The following ARF3 variants were observed in gnomAD, a reference collection of about 807,000 sequenced individuals.
The protein encoded by ARF3 is ARF GTPase 3.
In ARF3, 5 loss-of-function variants were observed where a neutral mutation model predicts 19.3. That is an observed-to-expected ratio of 0.26 (90% CI 0.14 to 0.54). ARF3 has a LOEUF of 0.54. Among genes scored for constraint, ARF3 ranks in the 20% least tolerant of loss-of-function variants. The probability of loss-of-function intolerance (pLI) is 0.95; values close to 1 mark genes in which losing one functional copy is unlikely to be tolerated. For missense variants in ARF3, 77 were observed against 234.2 expected (o/e 0.33, Z 4.38); for synonymous variants, 71 against 89.2 (o/e 0.80, Z 1.15).
At chr12:48,944,297 T>C (rs1159347185) in intron 1 of ARF3, among the ~76,000 whole-genome samples, 1 of 152,240 alleles carries the variant, frequency 6.6e-6, no homozygotes, top group East Asian at 1.9e-4. Flanking sequence ...CAATATGCCT[T>C]GCCCCAGAAC....
At chr12:48,946,893 C>T (rs1302447544) in intron 1 of ARF3, among the ~76,000 whole-genome samples, 4 of 152,198 alleles carry the variant, frequency 2.6e-5, no homozygotes, top group Non-Finnish European at 2.9e-5. Context: ...CAAGAATGTG[C>T]TATGAGACAC....
intron 1 of ARF3, among the ~76,000 whole-genome samples, chr12:48,947,119 C>T (rs953841400): frequency 2.0e-5 from 3 of 152,134 alleles, no homozygotes; most frequent in Admixed American, 6.6e-5. Context: ...AAGCAGAGTA[C>T]GCCCGTACTG....
At chr12:48,943,898 A>C (rs918504124) in intron 1 of ARF3, among the ~76,000 whole-genome samples, 5 of 152,182 alleles carry the variant, frequency 3.3e-5, no homozygotes, top group Non-Finnish European at 7.3e-5. Flanking sequence ...GCCACCCGCT[A>C]GCCTTCCTCC....
At chr12:48,952,283 G>A (rs1479004914) in intron 1 of ARF3, among the ~76,000 whole-genome samples, 1 of 152,202 alleles carries the variant, frequency 6.6e-6, no homozygotes, top group Admixed American at 6.5e-5. Context: ...GGAAGGGTCT[G>A]GCTTTTACCA....
chr12:48,945,308 G>A lies in ARF3; in HGVS notation c.-93-4120C>T, dbSNP rs543696654. Among the ~76,000 whole-genome samples the A allele has an allele frequency of 6.6e-5, 10 of 152,064 alleles. No homozygotes were observed. The South Asian group carries it at 1.2e-3, about 19-fold the overall frequency. ...AAAAACCCAAAAATTGGCCGGGTGC[G>A]GTGGCTCACACCTGTAATCCCAGCA... On this transcript the variant is annotated intron_variant, in intron 1 of 4. Transcript: ENST00000256682.
chr12:48,951,241 A>AG (rs1466659814), intron 1 of ARF3, among the ~76,000 whole-genome samples: 1 of 152,264 alleles, frequency 6.6e-6, no homozygotes, highest in Non-Finnish European at 1.5e-5. Context: ...GGGCAAAGGC[A>AG]GAAACCTGCC....
chr12:48,943,557 T>C (rs1343127125), intron 1 of ARF3, among the ~76,000 whole-genome samples: 2 of 152,164 alleles, frequency 1.3e-5, no homozygotes, highest in African/African-American at 4.8e-5. Context: ...ATTTACAAGC[T>C]AACGCATGGG....
chr12:48,946,462 A>C (rs1940360728), intron 1 of ARF3, among the ~76,000 whole-genome samples: 1 of 152,266 alleles, frequency 6.6e-6, no homozygotes, highest in South Asian at 2.1e-4. Flanking sequence ...TTGGATACCA[A>C]GAATAAGCAG....
rs1940146495 is a variant in ARF3 at position 48,936,591 on chromosome 12, G to A, written c.*2356C>T. Reference sequence around the variant, plus strand: ...TTACTGCCCCCTGCTGGACAGATCTGGGGCAGCACCAAGGCAACCTCCTAA... The same window carrying A: ...TTACTGCCCCCTGCTGGACAGATCTAGGGCAGCACCAAGGCAACCTCCTAA... On this transcript the variant is annotated 3_prime_UTR_variant, in exon 5 of 5. Transcript: ENST00000256682. 1 of 152,636 alleles carries A rather than the reference G, an allele frequency of 6.6e-6. No individual in the cohort carries two copies. The highest frequency in any genetic ancestry group is 1.5e-5 in the Non-Finnish European group (1 of 68,080). The allele number at this position is 152,636 out of a possible 1,614,324, so 9.5% of individuals were successfully genotyped here.
rs1940208920 is a variant in ARF3, at chr12:48,939,231, G to C, written c.385-123C>G. 2 of 1,151,568 alleles carry C rather than the reference G, an allele frequency of 1.7e-6. No homozygotes were observed. The highest frequency in any genetic ancestry group is 2.8e-5 in the Admixed American group (1 of 36,062). 71.3% of individuals were successfully genotyped at this position (1,151,568 alleles called of 1,614,324 possible). A position where few individuals can be genotyped will look rare whatever the true frequency, so the allele number is the denominator to read the frequency against. ...CTCCTCCTTTATTTTAGGAAACCCAGAACAAGATCCTAAGGAGCTACTTTG... is the reference window on the plus strand; with the variant it reads ...CTCCTCCTTTATTTTAGGAAACCCACAACAAGATCCTAAGGAGCTACTTTG... On this transcript the variant is annotated intron_variant, in intron 4 of 4. Transcript: ENST00000256682. The surrounding 1 kb of genome is among the most constrained non-coding windows in gnomAD (Gnocchi z 4.8).
At chr12:48,943,010 G>A (rs1015356180) in intron 1 of ARF3, among the ~76,000 whole-genome samples, 21 of 152,280 alleles carry the variant, frequency 1.4e-4, no homozygotes, top group African/African-American at 4.3e-4. Context: ...GGAACGTTGA[G>A]GCAGGAGAAT....
At chr12:48,944,732 T>A (rs962449852) in intron 1 of ARF3, among the ~76,000 whole-genome samples, 1 of 152,196 alleles carries the variant, frequency 6.6e-6, no homozygotes, top group Non-Finnish European at 1.5e-5. Flanking sequence ...TTCTCAGCCA[T>A]TTTCCACACA....
At chr12:48,952,965 G>A (rs1376988228) in intron 1 of ARF3, 1 of 152,210 alleles carries the variant, frequency 6.6e-6, no homozygotes, top group Non-Finnish European at 1.5e-5. Context: ...AGCCATCTCA[G>A]ATTTCAAGTC....
At position 48,936,547 on chromosome 12, in the gene ARF3, G is replaced by C. The variant is rs1940145139; in HGVS notation, c.*2400C>G. The C allele has an allele frequency of 6.5e-6, 1 of 152,672 alleles. No individual in the cohort carries two copies. The allele number at this position is 152,672 out of a possible 1,614,324, so 9.5% of individuals were successfully genotyped here. ...ACCCCTGCCAAGGGCTTAGCAGCCA[G>C]GGATACTACCAAGATCACTTACTGC... On this transcript the variant is annotated 3_prime_UTR_variant, in exon 5 of 5. Transcript: ENST00000256682.
At chr12:48,942,783 C>T (rs1169358043) in intron 1 of ARF3, among the ~76,000 whole-genome samples, 1 of 152,218 alleles carries the variant, frequency 6.6e-6, no homozygotes, top group African/African-American at 2.4e-5. Flanking sequence ...AGACTGGATG[C>T]TATGCCTGGC....
intron 2 of ARF3, 99 bp from the exon 3 acceptor site, chr12:48,940,206 A>G (rs950002622): frequency 2.0e-5 from 19 of 963,962 alleles, no homozygotes; most frequent in Admixed American, 5.6e-5. Flanking sequence ...AGTGGTGGCC[A>G]TAACACCAAC....
intron 1 of ARF3, among the ~76,000 whole-genome samples, chr12:48,954,546 G>A (rs1443466059): frequency 6.6e-6 from 1 of 152,112 alleles, no homozygotes; most frequent in South Asian, 2.1e-4. Flanking sequence ...TAATTCTCTT[G>A]AAAACCATAT....
At chr12:48,944,078 C>T (rs1940314598) in intron 1 of ARF3, among the ~76,000 whole-genome samples, 1 of 152,274 alleles carries the variant, frequency 6.6e-6, no homozygotes, top group African/African-American at 2.4e-5. Context: ...TCCTAGTCTT[C>T]TAGCCTTTAT....
chr12:48,948,550 C>T (rs912598352), intron 1 of ARF3, among the ~76,000 whole-genome samples: 7 of 152,064 alleles, frequency 4.6e-5, no homozygotes, highest in Non-Finnish European at 8.8e-5. Context: ...TGGTAGCTCA[C>T]GCCTGTAATC....
Sources: allele counts gnomAD v4.1 joint callset (sites outside exome capture counted in the v4.1 genomes callset), GRCh38; gene constraint gnomAD v4.1.1; non-coding constraint Gnocchi (gnomAD v3.1); transcripts MANE v1.5; gene names NCBI Gene and HGNC (gene_info 2026-07-23, HGNC 2026-07-21).